SLC2A13: variants seen among roughly 807,000 people sequenced by gnomAD.
The protein encoded by SLC2A13 is solute carrier family 2 member 13.
SLC2A13 carries 32 observed loss-of-function variants against 64.4 expected under a neutral mutation model. The observed-to-expected ratio is 0.50, with a 90% confidence interval of 0.37 to 0.67. The LOEUF (loss-of-function observed/expected upper bound fraction) is 0.67. Among genes scored for constraint, SLC2A13 ranks in the 30% least tolerant of loss-of-function variants. The pLI is 0.00. For synonymous variants in SLC2A13, 338 were observed against 327.1 expected (o/e 1.03, Z -0.36); for missense variants, 743 against 829.2 (o/e 0.90, Z 1.28).
chr12:39,867,820 A>T (rs1461537665), intron 5 of SLC2A13, among the ~76,000 whole-genome samples: 1 of 152,194 alleles, frequency 6.6e-6, no homozygotes, highest in Non-Finnish European at 1.5e-5. Flanking sequence ...TCTGAATCAG[A>T]GTCTCCAGAA....
chr12:39,952,953 C>A (rs1946255449), intron 3 of SLC2A13, among the ~76,000 whole-genome samples: 1 of 151,316 alleles, frequency 6.6e-6, no homozygotes, highest in South Asian at 2.1e-4. Flanking sequence ...TCAAAACTTT[C>A]AAATAAAAAT....
chr12:39,906,534 G>T (rs1046839245), intron 4 of SLC2A13, among the ~76,000 whole-genome samples: 2 of 152,044 alleles, frequency 1.3e-5, no homozygotes, highest in African/African-American at 4.8e-5. Context: ...CAACTTGAAA[G>T]AAACAGTTTT....
intron 4 of SLC2A13, among the ~76,000 whole-genome samples, chr12:39,901,126 G>A (rs1275391171): frequency 3.9e-5 from 6 of 152,264 alleles, no homozygotes. Flanking sequence ...GGGGAAAACT[G>A]GCTAGCCATA....
chr12:39,983,074 GGGAAA>G (rs1171994527), intron 3 of SLC2A13, among the ~76,000 whole-genome samples: 2 of 150,982 alleles, frequency 1.3e-5, no homozygotes, highest in Non-Finnish European at 3.0e-5. Flanking sequence ...ACAAGCAATG[GGGAAA>G]GGATCCCCTA....
intron 4 of SLC2A13, among the ~76,000 whole-genome samples, chr12:39,938,118 T>C (rs925144870): frequency 2.0e-5 from 3 of 152,128 alleles, no homozygotes; most frequent in African/African-American, 7.2e-5. Flanking sequence ...CCTGGGACTT[T>C]ATAAACTGCA....
intron 7 of SLC2A13, among the ~76,000 whole-genome samples, chr12:39,772,599 A>G (rs1442720348): frequency 6.6e-6 from 1 of 152,176 alleles, no homozygotes; most frequent in Non-Finnish European, 1.5e-5. Flanking sequence ...GAAAATAGGA[A>G]AGGAAAGAAA....
At chr12:39,923,437 G>T (rs1016238745) in intron 4 of SLC2A13, among the ~76,000 whole-genome samples, 2 of 151,996 alleles carry the variant, frequency 1.3e-5, no homozygotes, top group Non-Finnish European at 2.9e-5. Flanking sequence ...CTTACATAAA[G>T]TATCTAGAAT....
At chr12:39,939,714 T>C (rs1945985831) in intron 4 of SLC2A13, among the ~76,000 whole-genome samples, 1 of 152,252 alleles carries the variant, frequency 6.6e-6, no homozygotes, top group South Asian at 2.1e-4. Context: ...TGGTAAGCAT[T>C]TAATAAATAT....
At chr12:39,978,448 G>T (rs557081349) in intron 3 of SLC2A13, among the ~76,000 whole-genome samples, 1 of 152,334 alleles carries the variant, frequency 6.6e-6, no homozygotes, top group African/African-American at 2.4e-5. Context: ...GACAGTGGGC[G>T]CAGGCCAGTG....
intron 4 of SLC2A13, among the ~76,000 whole-genome samples, chr12:39,901,093 A>T (rs1945089911): frequency 6.6e-6 from 1 of 152,208 alleles, no homozygotes; most frequent in African/African-American, 2.4e-5. Context: ...TGGGGAAAGG[A>T]TTCCCTATTT....
intron 7 of SLC2A13, among the ~76,000 whole-genome samples, chr12:39,816,247 C>G (rs964423605): frequency 6.6e-6 from 1 of 152,040 alleles, no homozygotes; most frequent in Non-Finnish European, 1.5e-5. Flanking sequence ...CAGCACATTT[C>G]TTCTACAAAC....
intron 7 of SLC2A13, among the ~76,000 whole-genome samples, chr12:39,767,999 C>T (rs1175956376): frequency 6.6e-6 from 1 of 152,084 alleles, no homozygotes; most frequent in Non-Finnish European, 1.5e-5. Context: ...TTATTTATAG[C>T]AGTGTGAGAC....
intron 4 of SLC2A13, among the ~76,000 whole-genome samples, chr12:39,878,366 C>T (rs962944562): frequency 1.3e-5 from 2 of 152,198 alleles, no homozygotes; most frequent in African/African-American, 4.8e-5. Context: ...AAGAGACCGA[C>T]TAAATGGTTG....
chr12:39,893,061 A>T (rs942723925), intron 4 of SLC2A13, among the ~76,000 whole-genome samples: 8 of 152,222 alleles, frequency 5.3e-5, no homozygotes, highest in Admixed American at 3.9e-4. Flanking sequence ...GAAGGAAACC[A>T]TGATAATTTA....
intron 1 of SLC2A13, among the ~76,000 whole-genome samples, chr12:40,049,014 T>C (rs1948210260): frequency 1.3e-5 from 2 of 152,150 alleles, no homozygotes; most frequent in African/African-American, 4.8e-5. Flanking sequence ...CCTAAAGTTG[T>C]ATAGTACAGA....
At chr12:40,046,429 G>T (rs1429402410) in intron 2 of SLC2A13, among the ~76,000 whole-genome samples, 1 of 152,054 alleles carries the variant, frequency 6.6e-6, no homozygotes, top group Admixed American at 6.6e-5. Flanking sequence ...TGTGATTTAT[G>T]CAACTATACA....
intron 3 of SLC2A13, among the ~76,000 whole-genome samples, chr12:39,989,779 C>T (rs1947100415): frequency 6.6e-6 from 1 of 152,118 alleles, no homozygotes; most frequent in Admixed American, 6.5e-5. Context: ...AGAGAATCCC[C>T]AGTAAAGAAA....
chr12:39,900,499 AC>A (rs1945062839), intron 4 of SLC2A13, among the ~76,000 whole-genome samples: 1 of 152,132 alleles, frequency 6.6e-6, no homozygotes, highest in African/African-American at 2.4e-5. Flanking sequence ...GTCTCAGGAT[AC>A]AAAATCAATG....
chr12:39,992,627 C>T (rs527475360), intron 3 of SLC2A13, among the ~76,000 whole-genome samples: 5 of 152,040 alleles, frequency 3.3e-5, no homozygotes, highest in African/African-American at 1.2e-4. Flanking sequence ...AGAGACATCA[C>T]TTAAGATTCT....
Sources: allele counts gnomAD v4.1 joint callset (sites outside exome capture counted in the v4.1 genomes callset), GRCh38; gene constraint gnomAD v4.1.1; transcripts MANE v1.5; gene names NCBI Gene and HGNC (gene_info 2026-07-23, HGNC 2026-07-21).